Variants in RGL1 observed in about 807,000 individuals in gnomAD.
The protein encoded by RGL1 is ral guanine nucleotide dissociation stimulator-like 1.
Under a neutral mutation model 95.2 loss-of-function variants are expected in RGL1, and 24 were observed. The ratio of observed to expected loss-of-function variants is 0.25; its 90% CI spans 0.18 to 0.35. The LOEUF (loss-of-function observed/expected upper bound fraction) is 0.35. RGL1 is among the 10% of genes least tolerant of loss of function. RGL1 has a pLI of 1.00. For synonymous variants in RGL1, 329 were observed against 344.9 expected (o/e 0.95, Z 0.51); for missense variants, 715 against 936.3 (o/e 0.76, Z 3.08).
At chr1:183,759,632 C>G (rs1658545496) in intron 2 of RGL1, among the ~76,000 whole-genome samples, 1 of 152,178 alleles carries the variant, frequency 6.6e-6, no homozygotes, top group Admixed American at 6.5e-5. Flanking sequence ...ACCAAACAGC[C>G]TGCTACTACC....
intron 2 of RGL1, among the ~76,000 whole-genome samples, chr1:183,845,707 C>A (rs978332397): frequency 6.6e-6 from 1 of 152,272 alleles, no homozygotes; most frequent in East Asian, 1.9e-4. Flanking sequence ...TGCACATTGC[C>A]GTCTGTGGAC....
At chr1:183,875,480 G>A (rs1165889254) in intron 4 of RGL1, among the ~76,000 whole-genome samples, 1 of 152,182 alleles carries the variant, frequency 6.6e-6, no homozygotes, top group Non-Finnish European at 1.5e-5. Context: ...ATCGTGGGGT[G>A]GCTAGAAGTT....
chr1:183,924,950 G>A (rs900326571), intron 17 of RGL1, among the ~76,000 whole-genome samples: 1 of 151,766 alleles, frequency 6.6e-6, no homozygotes, highest in African/African-American at 2.4e-5. Context: ...TGGGCAACAA[G>A]AGCAAAACTC....
At chr1:183,831,781 A>G (rs1388772923) in intron 2 of RGL1, among the ~76,000 whole-genome samples, 3 of 152,298 alleles carry the variant, frequency 2.0e-5, no homozygotes, top group Non-Finnish European at 2.9e-5. Context: ...TTGAAGGCCA[A>G]TTTCTAGAGA....
intron 2 of RGL1, among the ~76,000 whole-genome samples, chr1:183,760,558 C>T (rs1053522378): frequency 8.4e-6 from 1 of 119,634 alleles, no homozygotes; most frequent in African/African-American, 3.4e-5. Context: ...ATAGCAAGAT[C>T]CAGTCTCTGC....
intron 1 of RGL1, among the ~76,000 whole-genome samples, chr1:183,672,922 C>T (rs767492798): frequency 5.3e-5 from 8 of 152,102 alleles, no homozygotes; most frequent in Non-Finnish European, 8.8e-5. Context: ...TTCTGGGGTA[C>T]GTATGCAGGA....
intron 1 of RGL1, among the ~76,000 whole-genome samples, chr1:183,740,573 A>G (rs1003513378): frequency 5.9e-5 from 9 of 152,230 alleles, no homozygotes; most frequent in Admixed American, 1.3e-4. Context: ...TGTTTTGCAG[A>G]CGTGATTCCT....
In RGL1 at chr1:183,904,932, A is replaced by G. The variant is rs1316615616; in HGVS notation, c.1433A>G (p.Gln478Arg). The G allele has an allele frequency of 6.2e-7, 1 of 1,613,758 alleles. No homozygotes were observed. The highest frequency in any genetic ancestry group is 8.5e-7 in the Non-Finnish European group (1 of 1,179,906). ...YCMTPDQKFI[Q>R]WFQRQQLLTE... ...ATGACCCCAGACCAAAAGTTCATCCAGTGGTTCCAGAGGCAGCAGCTCCTG... is the reference window on the plus strand; with the variant it reads ...ATGACCCCAGACCAAAAGTTCATCCGGTGGTTCCAGAGGCAGCAGCTCCTG... Residue 478 changes from glutamine to arginine, a missense_variant, in exon 13 of 18, where the codon CAG becomes CGG. This residue lies in a region of RGL1 where 330 missense variants were observed against 429.6 expected (regional missense o/e 0.77). Transcript: ENST00000360851.
chr1:183,729,092 A>G (rs1656476260), intron 1 of RGL1, among the ~76,000 whole-genome samples: 1 of 152,182 alleles, frequency 6.6e-6, no homozygotes. Context: ...TAAAAAGTAT[A>G]AAAAATTTAT....
chr1:183,644,500 G>A (rs142806838), intron 1 of RGL1, among the ~76,000 whole-genome samples: 5 of 151,862 alleles, frequency 3.3e-5, no homozygotes, highest in Non-Finnish European at 4.4e-5. Flanking sequence ...ATCATGGCTC[G>A]CTGCAGCCTC....
intron 2 of RGL1, among the ~76,000 whole-genome samples, chr1:183,846,905 T>C (rs1012529130): frequency 6.6e-6 from 1 of 151,890 alleles, no homozygotes; most frequent in Non-Finnish European, 1.5e-5. Flanking sequence ...TTTGAAAACT[T>C]TCCATGGAAC....
At chr1:183,680,806 C>A (rs1405542650) in intron 1 of RGL1, among the ~76,000 whole-genome samples, 5 of 151,894 alleles carry the variant, frequency 3.3e-5, no homozygotes, top group Non-Finnish European at 5.9e-5. Flanking sequence ...CTTCCTATCC[C>A]TAAGCATGGA....
At chr1:183,829,752 G>T (rs562132349) in intron 2 of RGL1, among the ~76,000 whole-genome samples, 1 of 152,160 alleles carries the variant, frequency 6.6e-6, no homozygotes, top group South Asian at 2.1e-4. Flanking sequence ...TATCCTTCTT[G>T]TATTCCAAGT....
chr1:183,852,539 C>T (rs553026276), intron 3 of RGL1, among the ~76,000 whole-genome samples: 2 of 152,238 alleles, frequency 1.3e-5, no homozygotes, highest in East Asian at 1.9e-4. Flanking sequence ...TCTGGCCAGG[C>T]GTGGTGGCTC....
chr1:183,883,812 A>G lies in RGL1; in HGVS notation c.637A>G (p.Ser213Gly). The G allele has an allele frequency of 1.2e-6, 2 of 1,614,100 alleles. No homozygotes were observed. Among genetic ancestry groups the G allele is most frequent in the Non-Finnish European group, 1.7e-6 (2 of 1,179,908 alleles). ...DNGLPNTISF[S>G]LEEEEELEGG... ...TGGGCTTCCCAACACGATCTCCTTCAGCCTGGAAGAGGAAGAGGAACTGGA... is the reference window on the plus strand; with the variant it reads ...TGGGCTTCCCAACACGATCTCCTTCGGCCTGGAAGAGGAAGAGGAACTGGA... Residue 213 changes from serine (S) to glycine (G), a missense_variant, in exon 6 of 18, where the codon AGC becomes GGC. This residue lies in a region of RGL1 where 381 missense variants were observed against 484.8 expected (regional missense o/e 0.79). Transcript: ENST00000360851.
intron 9 of RGL1, among the ~76,000 whole-genome samples, chr1:183,895,682 GTGT>G (rs1276970947): frequency 1.3e-5 from 2 of 152,178 alleles, no homozygotes; most frequent in Non-Finnish European, 2.9e-5. Context: ...CAAGGGATTG[GTGT>G]TGTGCGACAT....
intron 2 of RGL1, among the ~76,000 whole-genome samples, chr1:183,809,377 T>C (rs1256755936): frequency 1.3e-5 from 2 of 152,222 alleles, no homozygotes; most frequent in Non-Finnish European, 2.9e-5. Context: ...CTGTGTTCAG[T>C]TGATCTTTTA....
chr1:183,665,567 A>T (rs1300560510), intron 1 of RGL1, among the ~76,000 whole-genome samples: 2 of 152,222 alleles, frequency 1.3e-5, no homozygotes, highest in East Asian at 3.8e-4. Context: ...TTTGATAGAT[A>T]TAGGCCCATT....
At position 183,928,039 on chromosome 1, in the gene RGL1, T is replaced by C. The variant is rs1669711748; in HGVS notation, c.*1747T>C. The C allele has an allele frequency of 6.6e-6, 1 of 152,574 alleles. No individual in the cohort carries two copies. The highest frequency in any genetic ancestry group is 2.1e-4 in the South Asian group (1 of 4,826). 9.5% of individuals were successfully genotyped at this position (152,574 alleles called of 1,614,324 possible). On this transcript the variant is annotated 3_prime_UTR_variant, in exon 18 of 18. Coordinates refer to ENST00000360851, the MANE Select transcript of RGL1 (RefSeq NM_001297671.3). ...TGGGTTTCAACTAGTCAAAAAGCAC[T>C]TTCTTCTGTTTTCAATCCCTGTTCG... is the stretch of plus-strand genomic sequence containing the variant.
Sources: allele counts gnomAD v4.1 joint callset (sites outside exome capture counted in the v4.1 genomes callset), GRCh38; gene constraint gnomAD v4.1.1; regional missense constraint gnomAD v4.1.1; transcripts MANE v1.5; gene names NCBI Gene and HGNC (gene_info 2026-07-23, HGNC 2026-07-21).